CHP1: variants seen among roughly 807,000 people sequenced by gnomAD.
The protein encoded by CHP1 is calcineurin like EF-hand protein 1, also known as calcineurin B homologous protein 1.
CHP1 carries 11 observed loss-of-function variants against 27.4 expected under a neutral mutation model. The observed-to-expected ratio is 0.40, with a 90% CI of 0.25 to 0.67. The LOEUF (loss-of-function observed/expected upper bound fraction) is 0.67. Among genes scored for constraint, CHP1 ranks in the 30% least tolerant of loss-of-function variants. CHP1 has a pLI of 0.38. For synonymous variants in CHP1, 89 were observed against 87.4 expected, an observed-to-expected ratio of 1.02 and a Z score of -0.10; for missense variants, 169 against 251.3, an observed-to-expected ratio of 0.67 and a Z score of 2.22.
At chr15:41,275,024 G>A (rs1417849694) in intron 5 of CHP1, among the ~76,000 whole-genome samples, 2 of 151,990 alleles carry the variant, frequency 1.3e-5, no homozygotes, top group Non-Finnish European at 2.9e-5. Context: ...TCCTGACCTC[G>A]TCATCCACCT....
chr15:41,272,040 T>C (rs1331566607), intron 5 of CHP1: 1 of 152,248 alleles, frequency 6.6e-6, no homozygotes, highest in Non-Finnish European at 1.5e-5. Flanking sequence ...GTTTTCTTAA[T>C]ATGATTCTTG....
At chr15:41,247,870 G>A (rs1262043465) in intron 2 of CHP1, among the ~76,000 whole-genome samples, 1 of 151,836 alleles carries the variant, frequency 6.6e-6, no homozygotes, top group East Asian at 1.9e-4. Flanking sequence ...TCGGGAGGCT[G>A]AGGCAGGAGA....
chr15:41,256,080 C>T (rs1288194948), intron 2 of CHP1, among the ~76,000 whole-genome samples: 13 of 152,162 alleles, frequency 8.5e-5, no homozygotes, highest in Admixed American at 8.5e-4. Flanking sequence ...CTTTGACTTA[C>T]AGACTTAGAT....
chr15:41,261,783 G>A (rs879510897), intron 3 of CHP1, among the ~76,000 whole-genome samples: 4 of 151,644 alleles, frequency 2.6e-5, no homozygotes, highest in Non-Finnish European at 5.9e-5. Flanking sequence ...ACCTGAGGTC[G>A]GGAGTTCGAG....
chr15:41,251,086 C>T (rs568570182), intron 2 of CHP1, among the ~76,000 whole-genome samples: 21 of 152,208 alleles, frequency 1.4e-4, no homozygotes, highest in African/African-American at 5.1e-4. Flanking sequence ...CCCACCTCAG[C>T]CTCCCAAAGT....
intron 4 of CHP1, among the ~76,000 whole-genome samples, chr15:41,263,804 G>A (rs913443192): frequency 6.6e-6 from 1 of 152,168 alleles, no homozygotes; most frequent in African/African-American, 2.4e-5. Context: ...GAGCCTGAGA[G>A]GTTGAGGCTG....
chr15:41,263,104 T>C (rs1053399356), intron 4 of CHP1, among the ~76,000 whole-genome samples: 6 of 152,310 alleles, frequency 3.9e-5, no homozygotes, highest in Admixed American at 6.5e-5. Flanking sequence ...TTTTCTCTTC[T>C]GTAAAATAGG....
At chr15:41,232,208 A>ATTTT (rs541011609) in intron 1 of CHP1, among the ~76,000 whole-genome samples, 1 of 131,644 alleles carries the variant, frequency 7.6e-6, no homozygotes. Context: ...CTAGGAACTG[A>ATTTT]TTTTTTTTTT....
At chr15:41,243,363 T>A (rs1567004169) in intron 1 of CHP1, among the ~76,000 whole-genome samples, 1 of 152,076 alleles carries the variant, frequency 6.6e-6, no homozygotes, top group African/African-American at 2.4e-5. Flanking sequence ...TGGGATAGGA[T>A]AGGACAGGAC....
Position 41,280,505 on chromosome 15 carries a change from A to ATTTTTTTTTTTTTTTTTTTTTTTT in CHP1, c.*1120_*1143dup, listed in dbSNP as rs34921023. On this transcript the variant is annotated 3_prime_UTR_variant, in exon 7 of 7. Transcript: ENST00000334660. ...GGAAGTGCCTAATATCCCAGTCCAA[A>ATTTTTTTTTTTTTTTTTTTTTTTT]TTTTTTTTTTTTTTTTTTTTTTTTT... The ATTTTTTTTTTTTTTTTTTTTTTTT allele has an allele frequency of 4.5e-5, 5 of 111,340 alleles. 1 individual carries two copies. Among genetic ancestry groups the ATTTTTTTTTTTTTTTTTTTTTTTT allele is most frequent in the Non-Finnish European group, 5.3e-5 (3 of 56,608 alleles). 6.9% of individuals were successfully genotyped at this position (111,340 alleles called of 1,614,324 possible).
rs2047543988 is a variant in CHP1 at position 41,281,179 on chromosome 15, T to A, written c.*1790T>A. The A allele has an allele frequency of 6.6e-6, 1 of 152,252 alleles. No homozygotes were observed. Among genetic ancestry groups the A allele is most frequent in the South Asian group, 2.1e-4 (1 of 4,838 alleles). The allele number at this position is 152,252 out of a possible 1,614,324, so 9.4% of individuals were successfully genotyped here. ...CAGCCGCAAAATTCTTTATGAATTT[T>A]ACACTTGGCAAATGTTAATGACGGA... On this transcript the variant is annotated 3_prime_UTR_variant, in exon 7 of 7. Coordinates refer to ENST00000334660, the MANE Select transcript of CHP1 (RefSeq NM_007236.5).
intron 3 of CHP1, among the ~76,000 whole-genome samples, chr15:41,260,109 T>C (rs924165313): frequency 6.6e-6 from 1 of 151,984 alleles, no homozygotes; most frequent in Non-Finnish European, 1.5e-5. Flanking sequence ...ACTGCATGTC[T>C]ATAGAGCACA....
chr15:41,274,560 C>G, intron 5 of CHP1, among the ~76,000 whole-genome samples: 1 of 151,996 alleles, frequency 6.6e-6, no homozygotes, highest in East Asian at 1.9e-4. Context: ...TGTCACTGCA[C>G]CTGGTGAAAT....
In CHP1 at chr15:41,251,543, G is replaced by T. The variant is rs895894043; in HGVS notation, c.141-5367G>T. 1.3e-5 allele frequency among the ~76,000 whole-genome samples: 2 copies of T among 152,308 alleles called. 1 individual carries two copies. On this transcript the variant is annotated intron_variant, in intron 2 of 6. Coordinates refer to ENST00000334660, the MANE Select transcript of CHP1 (RefSeq NM_007236.5). Reference sequence around the variant, plus strand: ...CGGGCTACACAGCAGGAGGTGAACAGAATGCAAGTGAGCATTATCACCTGA... The same window carrying T: ...CGGGCTACACAGCAGGAGGTGAACATAATGCAAGTGAGCATTATCACCTGA...
chr15:41,231,333 T>A lies in CHP1; in HGVS notation c.-50T>A. 1 of 1,533,166 alleles carries A rather than the reference T, an allele frequency of 6.5e-7. No individual in the cohort carries two copies. Among genetic ancestry groups the A allele is most frequent in the Non-Finnish European group, 8.9e-7 (1 of 1,126,214 alleles). The allele number at this position is 1,533,166 out of a possible 1,614,324, so 95.0% of individuals were successfully genotyped here. On this transcript the variant is annotated 5_prime_UTR_variant, in exon 1 of 7. Transcript: ENST00000334660. Reference sequence around the variant, plus strand: ...TCCTTCCCTCCCTCCTTCCCTCCTGTCGCCGTCTCTTCTGGCGCCGCTGCT... The same window carrying A: ...TCCTTCCCTCCCTCCTTCCCTCCTGACGCCGTCTCTTCTGGCGCCGCTGCT...
chr15:41,248,724 A>G (rs545102897), intron 2 of CHP1, among the ~76,000 whole-genome samples: 4 of 152,250 alleles, frequency 2.6e-5, no homozygotes, highest in Non-Finnish European at 5.9e-5. Flanking sequence ...GACCAGCCTG[A>G]GCAACATAGT....
intron 3 of CHP1, among the ~76,000 whole-genome samples, chr15:41,259,665 C>T (rs1479953317): frequency 6.6e-6 from 1 of 152,040 alleles, no homozygotes; most frequent in East Asian, 1.9e-4. Context: ...CTCCACATTA[C>T]TTGATTCCTC....
chr15:41,231,760 C>T (rs527867092), intron 1 of CHP1, among the ~76,000 whole-genome samples: 1 of 152,194 alleles, frequency 6.6e-6, no homozygotes, highest in South Asian at 2.1e-4. Context: ...TGTTGCCTCG[C>T]ACCACCCTTC....
chr15:41,276,444 A>G lies in CHP1; in HGVS notation c.412-2323A>G, dbSNP rs552713880. On this transcript the variant is annotated intron_variant, in intron 5 of 6. Transcript: ENST00000334660. ...CCCTGTCTCCCATTTCATATTGCCT[A>G]AGAACCAGCCTTTCCATATTGCCTG... Among the ~76,000 whole-genome samples, 3 of 152,286 alleles carry G rather than the reference A, an allele frequency of 2.0e-5. No individual in the cohort carries two copies. The East Asian group carries it at 5.8e-4, about 29-fold the overall frequency.
Sources: allele counts gnomAD v4.1 joint callset (sites outside exome capture counted in the v4.1 genomes callset), GRCh38; gene constraint gnomAD v4.1.1; transcripts MANE v1.5; gene names NCBI Gene and HGNC (gene_info 2026-07-23, HGNC 2026-07-21).